Variants in DHRSX observed in about 807,000 individuals in gnomAD.
DHRSX encodes the protein polyprenol dehydrogenase.
In DHRSX, 31 loss-of-function variants were observed where a neutral mutation model predicts 34.0. The ratio of observed to expected loss-of-function variants is 0.91; its 90% CI spans 0.69 to 1.23. The LOEUF is 1.23. DHRSX is among the 50% of genes most tolerant of loss of function. The pLI, the probability that DHRSX is intolerant of heterozygous loss-of-function variation, is 0.00. For synonymous variants in DHRSX, 201 were observed against 183.8 expected (o/e 1.09, Z -0.76); for missense variants, 414 against 428.1 (o/e 0.97, Z 0.29).
intron 6 of DHRSX, among the ~76,000 whole-genome samples, chrX:2,241,360 C>T (rs1295397325): frequency 6.6e-6 from 1 of 152,150 alleles, no homozygotes; most frequent in Non-Finnish European, 1.5e-5. Flanking sequence ...CTGAAGAAGC[C>T]TCAAGATCTC....
At chrX:2,414,095 A>C (rs959308047) in intron 2 of DHRSX, among the ~76,000 whole-genome samples, 5 of 151,952 alleles carry the variant, frequency 3.3e-5, no homozygotes, top group Non-Finnish European at 7.4e-5. Flanking sequence ...CCTCATCATG[A>C]CCTGACACAG....
chrX:2,268,969 C>G (rs2041512028), intron 4 of DHRSX, among the ~76,000 whole-genome samples: 1 of 152,216 alleles, frequency 6.6e-6, no homozygotes, highest in Non-Finnish European at 1.5e-5. Flanking sequence ...ACACACCTAT[C>G]CATTTGCATA....
chrX:2,447,930 T>C (rs6642202), intron 1 of DHRSX, among the ~76,000 whole-genome samples: 92,372 of 147,594 alleles, frequency 0.63, 30,577 homozygotes, highest in African/African-American at 0.85. Flanking sequence ...AGCGGTGGCT[T>C]ATGTCCGGAA....
chrX:2,299,349 A>G (rs62595543), intron 3 of DHRSX, among the ~76,000 whole-genome samples: 106,280 of 151,808 alleles, frequency 0.7, 38,233 homozygotes, highest in Middle Eastern at 0.8. Context: ...ATATGAAGAC[A>G]GGAGATTCAC....
intron 3 of DHRSX, among the ~76,000 whole-genome samples, chrX:2,394,758 C>T (rs908210125): frequency 2.0e-5 from 3 of 151,796 alleles, no homozygotes; most frequent in Non-Finnish European, 4.4e-5. Context: ...CCCAGCTACT[C>T]AGTAGGCTGA....
At chrX:2,471,654 C>T (rs1163799376) in intron 1 of DHRSX, among the ~76,000 whole-genome samples, 1 of 152,036 alleles carries the variant, frequency 6.6e-6, no homozygotes, top group Non-Finnish European at 1.5e-5. Context: ...ATTCCCAATG[C>T]TATTAACCAA....
chrX:2,381,707 G>A lies in DHRSX; in HGVS notation c.286+27038C>T, dbSNP rs142357851. Among the ~76,000 whole-genome samples, 1,215 of 148,650 alleles carry A rather than the reference G, an allele frequency of 8.2e-3. 32 individuals are homozygous for A. In the East Asian group the frequency reaches 0.096, roughly 12 times the overall value. ...GCCTATTTCCCCTGAGGGCACGTAC[G>A]TTCCCTAAGAGCGACAGGTAGAGTG... On this transcript the variant is annotated intron_variant, in intron 3 of 6. Transcript: ENST00000334651.
At chrX:2,500,740 C>T (rs1287272295) in intron 1 of DHRSX, 77 bp downstream of exon 1, 16 of 660,236 alleles carry the variant, frequency 2.4e-5, no homozygotes, top group Non-Finnish European at 3.1e-5. Flanking sequence ...CACGCGGAGC[C>T]CCCGCGCCCC....
chrX:2,229,416 C>G (rs2124405534), intron 6 of DHRSX, among the ~76,000 whole-genome samples: 1 of 152,204 alleles, frequency 6.6e-6, no homozygotes, highest in Non-Finnish European at 1.5e-5. Flanking sequence ...AGGGATCCTG[C>G]TGCTTCTGCC....
intron 3 of DHRSX, among the ~76,000 whole-genome samples, chrX:2,332,238 G>A (rs1424294624): frequency 1.3e-5 from 2 of 152,144 alleles, no homozygotes; most frequent in Non-Finnish European, 2.9e-5. Flanking sequence ...TGAAAGGTCG[G>A]GGAGAAAACA....
At chrX:2,272,368 GT>G (rs2041569320) in intron 4 of DHRSX, among the ~76,000 whole-genome samples, 1 of 152,134 alleles carries the variant, frequency 6.6e-6, no homozygotes, top group Admixed American at 6.6e-5. Context: ...TGCATGCATG[GT>G]TTTGAAAGGC....
At chrX:2,434,585 C>T (rs1232346605) in intron 1 of DHRSX, among the ~76,000 whole-genome samples, 6 of 152,198 alleles carry the variant, frequency 3.9e-5, no homozygotes, top group Non-Finnish European at 7.3e-5. Flanking sequence ...ATGGGAGGAT[C>T]ACTGGAGCCC....
At chrX:2,337,937 C>G (rs1030838625) in intron 3 of DHRSX, 1 of 150,408 alleles carries the variant, frequency 6.6e-6, no homozygotes, top group Non-Finnish European at 1.5e-5. Flanking sequence ...CGTTGGTTTT[C>G]CAAGTCCTTC....
chrX:2,259,657 G>C (rs1439795454), intron 5 of DHRSX, among the ~76,000 whole-genome samples: 1 of 152,108 alleles, frequency 6.6e-6, no homozygotes, highest in East Asian at 1.9e-4. Flanking sequence ...CTGAAATTCA[G>C]GAGTGGACAG....
chrX:2,332,422 T>C (rs893576705), intron 3 of DHRSX, among the ~76,000 whole-genome samples: 5 of 152,220 alleles, frequency 3.3e-5, no homozygotes, highest in African/African-American at 7.2e-5. Flanking sequence ...AGCGTGTTAA[T>C]TGGCTAAATG....
chrX:2,456,766 G>C (rs1179813529), intron 1 of DHRSX, among the ~76,000 whole-genome samples: 1 of 152,012 alleles, frequency 6.6e-6, no homozygotes, highest in African/African-American at 2.4e-5. Context: ...CGAATATAAA[G>C]AAACACACTA....
intron 3 of DHRSX, among the ~76,000 whole-genome samples, chrX:2,362,793 G>A (rs111990063): frequency 3.9e-4 from 52 of 133,598 alleles, no homozygotes; most frequent in Non-Finnish European, 5.7e-4. Flanking sequence ...GTATCATGCC[G>A]CCATTTTATC....
intron 4 of DHRSX, among the ~76,000 whole-genome samples, chrX:2,282,486 A>G (rs1383342025): frequency 1.4e-5 from 2 of 143,742 alleles, no homozygotes; most frequent in East Asian, 2.1e-4. Flanking sequence ...TGGGACACAG[A>G]GGAAGACAAA....
Position 2,362,097 on chromosome X carries a change from G to C in DHRSX, c.286+46648C>G, listed in dbSNP as rs567370405. Among the ~76,000 whole-genome samples, 49 of 152,254 alleles carry C rather than the reference G, an allele frequency of 3.2e-4. 1 individual carries two copies. Among genetic ancestry groups the C allele is most frequent in the Middle Eastern group, 3.4e-3 (1 of 294 alleles). ...GAAGGCTGGAGTGGATTGGAAAAGA[G>C]GCTACAGGCTAAGAACTTTTAAGAG... On this transcript the variant is annotated intron_variant, in intron 3 of 6. Transcript: ENST00000334651.
Sources: gnomAD v4.1 joint callset for allele counts (sites outside exome capture counted in the v4.1 genomes callset) on GRCh38, gnomAD v4.1.1 for gene constraint, MANE v1.5 for transcripts, NCBI Gene and HGNC (gene_info 2026-07-23, HGNC 2026-07-21) for gene names.